IL1RAPL1: variants seen among roughly 807,000 people sequenced by gnomAD.
The protein encoded by IL1RAPL1 is interleukin 1 receptor accessory protein like 1, also known as interleukin-1 receptor accessory protein-like 1.
Under a neutral mutation model 48.4 loss-of-function variants are expected in IL1RAPL1, and 3 were observed. The observed-to-expected ratio is 0.06, with a 90% confidence interval of 0.03 to 0.16. The LOEUF (loss-of-function observed/expected upper bound fraction) is 0.16, where lower values mean the gene tolerates loss of function less well. Among genes scored for constraint, IL1RAPL1 ranks in the 10% least tolerant of loss-of-function variants. The pLI is 1.00. For synonymous variants in IL1RAPL1, 185 were observed against 187.7 expected, an observed-to-expected ratio of 0.99 and a Z score of 0.12; for missense variants, 349 against 530.6, an observed-to-expected ratio of 0.66 and a Z score of 3.36.
intron 1 of IL1RAPL1, among the ~76,000 whole-genome samples, 159 bp downstream of exon 1, chrX:28,588,206 ATG>A (rs768348078): frequency 0.2 from 9,744 of 49,547 alleles, 406 homozygotes; most frequent in East Asian, 0.29. Flanking sequence ...GTGTGTTGAT[ATG>A]TGTGTGTGTG....
At chrX:29,678,499 C>A (rs192281892) in intron 6 of IL1RAPL1, among the ~76,000 whole-genome samples, 1 of 104,220 alleles carries the variant, frequency 9.6e-6, no homozygotes, top group Non-Finnish European at 1.9e-5. Flanking sequence ...GGACTAGAGG[C>A]ACCCGCCACC....
chrX:29,709,521 T>G (rs911571791), intron 6 of IL1RAPL1, among the ~76,000 whole-genome samples: 1 of 111,194 alleles, frequency 9.0e-6, no homozygotes, highest in African/African-American at 3.3e-5. Flanking sequence ...TTTTTTTGTT[T>G]TGTTTTGTTT....
At chrX:29,922,059 T>TG (rs1027620138) in intron 8 of IL1RAPL1, among the ~76,000 whole-genome samples, 17 of 109,082 alleles carry the variant, frequency 1.6e-4, no homozygotes, top group Admixed American at 2.9e-4. Context: ...CAACATATTT[T>TG]GGGGGGGGAC....
intron 1 of IL1RAPL1, among the ~76,000 whole-genome samples, chrX:28,677,382 A>AT (rs923329884): frequency 8.9e-6 from 1 of 112,005 alleles, no homozygotes; most frequent in African/African-American, 3.2e-5. Context: ...CAGTGTAGTC[A>AT]TTGATTACAA....
intron 5 of IL1RAPL1, among the ~76,000 whole-genome samples, chrX:29,486,654 A>G (rs1215244042): frequency 2.2e-5 from 2 of 91,849 alleles, no homozygotes; most frequent in Non-Finnish European, 4.2e-5. Flanking sequence ...GGTCTATCTG[A>G]GGGTGGGATG....
At chrX:29,309,080 G>T (rs867410680) in intron 3 of IL1RAPL1, among the ~76,000 whole-genome samples, 1 of 112,479 alleles carries the variant, frequency 8.9e-6, no homozygotes, top group Middle Eastern at 4.6e-3. Flanking sequence ...AGTCAATATT[G>T]TATCTAACTT....
intron 2 of IL1RAPL1, among the ~76,000 whole-genome samples, chrX:29,044,787 A>G (rs1926920164): frequency 9.0e-6 from 1 of 111,727 alleles, no homozygotes; most frequent in South Asian, 3.8e-4. Context: ...AAACTTGTTA[A>G]CACCCACAGT....
chrX:28,872,958 C>T (rs1258177775), intron 2 of IL1RAPL1, among the ~76,000 whole-genome samples: 1 of 111,199 alleles, frequency 9.0e-6, no homozygotes. Context: ...TGATGAAACA[C>T]CTTGCTATTC....
intron 3 of IL1RAPL1, among the ~76,000 whole-genome samples, chrX:29,323,866 C>T (rs766703460): frequency 2.1e-5 from 2 of 94,659 alleles, no homozygotes; most frequent in East Asian, 7.1e-4. Context: ...TACTTCCTCA[C>T]TTTCCTATTC....
chrX:29,834,682 C>T (rs972096662), intron 6 of IL1RAPL1, among the ~76,000 whole-genome samples: 1 of 110,821 alleles, frequency 9.0e-6, no homozygotes, highest in African/African-American at 3.3e-5. Flanking sequence ...ATTACAAATA[C>T]ATCAATGTAA....
intron 3 of IL1RAPL1, among the ~76,000 whole-genome samples, chrX:29,368,125 G>A (rs1424649590): frequency 9.0e-6 from 1 of 111,066 alleles, no homozygotes. Context: ...CTTTATTCTT[G>A]TTATACTTCA....
At chrX:28,882,772 G>T (rs2147314754) in intron 2 of IL1RAPL1, among the ~76,000 whole-genome samples, 1 of 111,953 alleles carries the variant, frequency 8.9e-6, no homozygotes, top group Non-Finnish European at 1.9e-5. Flanking sequence ...TGAAATGAAA[G>T]GATGCTAGAC....
chrX:29,699,617 C>A (rs1425476315), intron 6 of IL1RAPL1, among the ~76,000 whole-genome samples: 1 of 112,221 alleles, frequency 8.9e-6, no homozygotes, highest in Non-Finnish European at 1.9e-5. Context: ...TCCAAATTTT[C>A]CCAGTGCATA....
At chrX:29,222,682 A>G (rs761297127) in intron 2 of IL1RAPL1, among the ~76,000 whole-genome samples, 2 of 111,235 alleles carry the variant, frequency 1.8e-5, no homozygotes, top group South Asian at 3.8e-4. Context: ...CTATATTGCA[A>G]TGATATCTGA....
chrX:29,048,317 C>G (rs892761415), intron 2 of IL1RAPL1, among the ~76,000 whole-genome samples: 3 of 111,831 alleles, frequency 2.7e-5, no homozygotes, highest in Middle Eastern at 4.3e-3. Context: ...TGCTAGAATT[C>G]CTAGCCAAAT....
At chrX:28,924,811 TA>T (rs1349186279) in intron 2 of IL1RAPL1, among the ~76,000 whole-genome samples, 4 of 112,349 alleles carry the variant, frequency 3.6e-5, no homozygotes, top group Admixed American at 1.9e-4. Context: ...AAACTTCATT[TA>T]TACTATTGAA....
intron 2 of IL1RAPL1, among the ~76,000 whole-genome samples, chrX:29,153,394 C>T (rs959794283): frequency 2.7e-5 from 3 of 111,476 alleles, no homozygotes; most frequent in Non-Finnish European, 5.7e-5. Flanking sequence ...CATTATTCTG[C>T]CTACCACAAT....
chrX:29,608,123 C>CT (rs1923952629), intron 5 of IL1RAPL1, among the ~76,000 whole-genome samples: 1 of 112,140 alleles, frequency 8.9e-6, no homozygotes, highest in Non-Finnish European at 1.9e-5. Flanking sequence ...GTTGGAACCT[C>CT]TAAGATGTCC....
At chrX:29,856,845 T>G (rs1931486431) in intron 6 of IL1RAPL1, among the ~76,000 whole-genome samples, 1 of 112,163 alleles carries the variant, frequency 8.9e-6, no homozygotes, top group South Asian at 3.6e-4. Flanking sequence ...TAAGTGTATA[T>G]TGCATTACAT....
Sources: gnomAD v4.1 joint callset for allele counts (sites outside exome capture counted in the v4.1 genomes callset) on GRCh38, gnomAD v4.1.1 for gene constraint, MANE v1.5 for transcripts, NCBI Gene and HGNC (gene_info 2026-07-23, HGNC 2026-07-21) for gene names.